The following AGMO variants were observed in gnomAD, a reference collection of about 807,000 sequenced individuals.
The protein encoded by AGMO is glyceryl-ether monooxygenase.
Under a neutral mutation model 60.2 loss-of-function variants are expected in AGMO, and 75 were observed. The ratio of observed to expected loss-of-function variants is 1.25; its 90% CI spans 1.03 to 1.51. The LOEUF is 1.51. Ranked by LOEUF, AGMO falls within the 40% of genes most tolerant of loss-of-function variation. The pLI is 0.00. For synonymous variants in AGMO, 261 were observed against 177.1 expected, an observed-to-expected ratio of 1.47 and a Z score of -3.76; for missense variants, 763 against 525.5, an observed-to-expected ratio of 1.45 and a Z score of -4.42.
chr7:15,229,984 A>T (rs532208364), intron 12 of AGMO, among the ~76,000 whole-genome samples: 1 of 151,818 alleles, frequency 6.6e-6, no homozygotes, highest in Admixed American at 6.6e-5. Flanking sequence ...TTCTCATTTT[A>T]ATTCATTGAA....
rs555662732 is a variant in AGMO, at chr7:15,254,401, CT to C, written c.1264-53043del. 1.3e-4 allele frequency among the ~76,000 whole-genome samples: 20 copies of C among 152,162 alleles called. No individual in the cohort carries two copies. The South Asian group carries it at 3.3e-3, about 25-fold the overall frequency. ...CTCTACATCCTCGCCAGCATCATTA[CT>C]TTTTTTGTTATTTGATAATAGCCCT... On this transcript the variant is annotated intron_variant, in intron 12 of 12. Transcript: ENST00000342526.
the AGMO span, among the ~76,000 whole-genome samples, chr7:15,130,007 G>A: frequency 6.6e-6 from 1 of 152,046 alleles, no homozygotes; most frequent in Non-Finnish European, 1.5e-5. Flanking sequence ...AGAGTTGGGG[G>A]TCTAGGACAT....
At chr7:15,236,766 C>T (rs1485770062) in intron 12 of AGMO, among the ~76,000 whole-genome samples, 1 of 151,322 alleles carries the variant, frequency 6.6e-6, no homozygotes, top group African/African-American at 2.4e-5. Context: ...AAACAAACCA[C>T]AAGAACAAAA....
intron 3 of AGMO, among the ~76,000 whole-genome samples, chr7:15,464,688 A>C (rs1051335786): frequency 5.9e-5 from 9 of 152,170 alleles, no homozygotes; most frequent in Admixed American, 5.2e-4. Flanking sequence ...TAATGTCATA[A>C]CATTGCTTGT....
the AGMO span, among the ~76,000 whole-genome samples, chr7:15,155,456 T>G: frequency 8.2e-6 from 1 of 121,382 alleles, no homozygotes; most frequent in Admixed American, 8.4e-5. Flanking sequence ...TTTTGCATTC[T>G]GAAATTCCTG....
chr7:15,156,551 G>A, the AGMO span, among the ~76,000 whole-genome samples: 1 of 152,200 alleles, frequency 6.6e-6, no homozygotes. Context: ...CAGATCAGAT[G>A]TTCTTGGGGG....
rs143232568 is a variant in AGMO, at chr7:15,459,730, C to T, written c.410-28622G>A. 1.4e-3 allele frequency among the ~76,000 whole-genome samples: 208 copies of T among 151,758 alleles called. 1 individual carries two copies. Among genetic ancestry groups the T allele is most frequent in the African/African-American group, 4.8e-3 (199 of 41,396 alleles). ...CTAAAACAGTTATTTTTTAAAACTG[C>T]ATGGACTGTATTTGACTCAGTTTAA... On this transcript the variant is annotated intron_variant, in intron 3 of 12. Transcript: ENST00000342526.
chr7:15,445,246 A>G (rs1300079052), intron 3 of AGMO, among the ~76,000 whole-genome samples: 2 of 152,134 alleles, frequency 1.3e-5, no homozygotes, highest in Non-Finnish European at 2.9e-5. Context: ...GTGTAGGTCA[A>G]TAATAATGTG....
chr7:15,492,404 A>C (rs972711124), intron 3 of AGMO, among the ~76,000 whole-genome samples: 5 of 151,414 alleles, frequency 3.3e-5, no homozygotes, highest in African/African-American at 1.2e-4. Context: ...ATCATTAGCC[A>C]TAAAGAACGT....
At chr7:15,156,651 C>T in the AGMO span, among the ~76,000 whole-genome samples, 1 of 152,172 alleles carries the variant, frequency 6.6e-6, no homozygotes, top group Admixed American at 6.5e-5. Flanking sequence ...CTCTAGGAGC[C>T]ACTCAGGGCC....
At chr7:15,370,779 T>C (rs1282934130) in intron 10 of AGMO, among the ~76,000 whole-genome samples, 1 of 152,154 alleles carries the variant, frequency 6.6e-6, no homozygotes, top group African/African-American at 2.4e-5. Flanking sequence ...CTTATAGATT[T>C]TGCATATTAG....
chr7:15,451,259 T>G (rs1241270234), intron 3 of AGMO, among the ~76,000 whole-genome samples: 1 of 152,092 alleles, frequency 6.6e-6, no homozygotes, highest in East Asian at 1.9e-4. Context: ...TAATGGAAAA[T>G]CTAAGACTCA....
intron 12 of AGMO, among the ~76,000 whole-genome samples, chr7:15,236,074 G>A (rs189460530): frequency 6.6e-6 from 1 of 152,196 alleles, no homozygotes; most frequent in East Asian, 1.9e-4. Context: ...ATGATATACT[G>A]TTCTCTATTT....
At chr7:15,271,774 C>T (rs1311818616) in intron 12 of AGMO, among the ~76,000 whole-genome samples, 1 of 152,078 alleles carries the variant, frequency 6.6e-6, no homozygotes, top group East Asian at 1.9e-4. Context: ...TTTACATTTT[C>T]CCCATTCAGT....
chr7:15,438,874 T>C (rs1373087860), intron 3 of AGMO, among the ~76,000 whole-genome samples: 3 of 152,246 alleles, frequency 2.0e-5, no homozygotes, highest in African/African-American at 7.2e-5. Flanking sequence ...TATTAATTTG[T>C]TGTTATTAAT....
intron 3 of AGMO, among the ~76,000 whole-genome samples, chr7:15,512,860 T>C (rs1182290853): frequency 6.6e-6 from 1 of 152,180 alleles, no homozygotes; most frequent in Non-Finnish European, 1.5e-5. Flanking sequence ...TTTCCTACTA[T>C]ATTTTGTATA....
At chr7:15,561,664 A>C (rs1013496820) in intron 1 of AGMO, 56 bp downstream of exon 1, 420 of 1,492,854 alleles carry the variant, frequency 2.8e-4, no homozygotes, top group Non-Finnish European at 3.6e-4. Flanking sequence ...GATTGACCTT[A>C]CCATTTATTA....
At chr7:15,204,868 T>C (rs1781401380) in intron 12 of AGMO, among the ~76,000 whole-genome samples, 1 of 152,134 alleles carries the variant, frequency 6.6e-6, no homozygotes. Flanking sequence ...TTTGTTGCTT[T>C]TGTTTTAAGA....
intron 5 of AGMO, among the ~76,000 whole-genome samples, chr7:15,411,392 C>T (rs1366637755): frequency 6.6e-6 from 1 of 151,972 alleles, no homozygotes; most frequent in Non-Finnish European, 1.5e-5. Context: ...GAACTCCGTG[C>T]AAGTTCATAG....
Sources: gnomAD v4.1 joint callset for allele counts (sites outside exome capture counted in the v4.1 genomes callset) on GRCh38, gnomAD v4.1.1 for gene constraint, MANE v1.5 for transcripts, NCBI Gene and HGNC (gene_info 2026-07-23, HGNC 2026-07-21) for gene names.